Variants in CARD6 observed in about 807,000 individuals in gnomAD.
CARD6 encodes caspase recruitment domain family member 6, also known as caspase recruitment domain-containing protein 6.
Under a neutral mutation model 23.6 loss-of-function variants are expected in CARD6, and 27 were observed. The ratio of observed to expected loss-of-function variants is 1.14; its 90% CI spans 0.84 to 1.58. CARD6 has a LOEUF of 1.58. Ranked by LOEUF, CARD6 falls within the 40% of genes most tolerant of loss-of-function variation. The probability of loss-of-function intolerance (pLI) is 0.00; values close to 1 mark genes in which losing one functional copy is unlikely to be tolerated. For synonymous variants in CARD6, 397 were observed against 431.8 expected, an observed-to-expected ratio of 0.92 and a Z score of 1.00; for missense variants, 1,214 against 1,209.9, an observed-to-expected ratio of 1.00 and a Z score of -0.05.
At chr5:40,849,977 C>CT in intron 2 of CARD6, among the ~76,000 whole-genome samples, 1 of 147,346 alleles carries the variant, frequency 6.8e-6, no homozygotes, top group Non-Finnish European at 1.5e-5. Context: ...AAGACCCTGT[C>CT]TCAAAAAAAA....
Position 40,854,508 on chromosome 5 carries a change from A to T in CARD6, c.*62A>T. 1 of 1,335,910 alleles carries T rather than the reference A, an allele frequency of 7.5e-7. No individual in the cohort carries two copies. The highest frequency in any genetic ancestry group is 1.0e-6 in the Non-Finnish European group (1 of 954,098). The allele number at this position is 1,335,910 out of a possible 1,614,324, so 82.8% of individuals were successfully genotyped here. ...ACCCAGGCCATTCCTATCATATAGT[A>T]AGCAGAAGAGTTGCCATGAAAGTAA... On this transcript the variant is annotated 3_prime_UTR_variant, in exon 3 of 3. Coordinates refer to ENST00000254691, the MANE Select transcript of CARD6 (RefSeq NM_032587.4).
chr5:40,854,477 T>A lies in CARD6; in HGVS notation c.*31T>A, dbSNP rs772309455. 52 of 1,549,716 alleles carry A rather than the reference T, an allele frequency of 3.4e-5. No individual in the cohort carries two copies. Among genetic ancestry groups the A allele is most frequent in the Non-Finnish European group, 4.5e-5 (51 of 1,126,858 alleles). Reference sequence around the variant, plus strand: ...TAACTCCAGAGATCTATAAAGCATATCCTTTACCCAGGCCATTCCTATCAT... The same window carrying A: ...TAACTCCAGAGATCTATAAAGCATAACCTTTACCCAGGCCATTCCTATCAT... On this transcript the variant is annotated 3_prime_UTR_variant, in exon 3 of 3. Coordinates refer to ENST00000254691, the MANE Select transcript of CARD6 (RefSeq NM_032587.4).
At chr5:40,841,729 C>A in intron 1 of CARD6, 64 bp downstream of exon 1, 2 of 1,329,100 alleles carry the variant, frequency 1.5e-6, no homozygotes, top group Non-Finnish European at 2.0e-6. Context: ...AAAAAGAAAA[C>A]AAAATGAAAG....
In CARD6 at chr5:40,852,232, G is replaced by A; in HGVS notation, c.900G>A (p.Lys300=). Residue 300 remains lysine, a synonymous_variant, in exon 3 of 3, where the codon AAG becomes AAA. Transcript: ENST00000254691. Reference sequence around the variant, plus strand: ...GTTTGAACATGGATAGAAGCAGAAAGGTTCTGCCAGATTTTGTTAAACAAT... The same window carrying A: ...GTTTGAACATGGATAGAAGCAGAAAAGTTCTGCCAGATTTTGTTAAACAAT... ...LLCLNMDRSR[K]VLPDFVKQFS... 2 of 1,614,072 alleles carry A rather than the reference G, an allele frequency of 1.2e-6. No homozygotes were observed. The highest frequency in any genetic ancestry group is 1.3e-5 in the African/African-American group (1 of 75,040).
intron 2 of CARD6, among the ~76,000 whole-genome samples, chr5:40,850,721 CAAAAAAA>C (rs34372703): frequency 2.8e-4 from 13 of 46,544 alleles, no homozygotes; most frequent in Admixed American, 2.2e-3. Flanking sequence ...ACTCCGTCTC[CAAAAAAA>C]AAAAAAAAAA....
chr5:40,847,311 G>A (rs1007321250), intron 2 of CARD6, among the ~76,000 whole-genome samples: 8 of 152,156 alleles, frequency 5.3e-5, no homozygotes, highest in African/African-American at 1.9e-4. Context: ...CTATTGCCTT[G>A]TGTGCTCTGC....
rs1746087670 is a variant in CARD6 at position 40,852,567 on chromosome 5, CAGA to C, written c.1237_1239del (p.Glu413del). On this transcript the variant is annotated inframe_deletion, in exon 3 of 3. Transcript: ENST00000254691. ...GCTCTTCCCCTGCTACTGCCAGATGCAGAAAACAACAAAAGCATCTTAATGCTG... is the reference window on the plus strand; with the variant it reads ...GCTCTTCCCCTGCTACTGCCAGATGCAAACAACAAAAGCATCTTAATGCTG... The C allele has an allele frequency of 2.5e-6, 4 of 1,614,066 alleles. No homozygotes were observed. In the African/African-American group the frequency reaches 5.3e-5, roughly 22 times the overall value.
chr5:40,846,517 T>A (rs925286053), intron 2 of CARD6, among the ~76,000 whole-genome samples: 5 of 152,140 alleles, frequency 3.3e-5, no homozygotes, highest in African/African-American at 1.2e-4. Flanking sequence ...AAATTTCTTG[T>A]CTCACAGTTC....
chr5:40,852,955 T>C lies in CARD6; in HGVS notation c.1623T>C (p.Thr541=), dbSNP rs929910256. 17 of 1,614,106 alleles carry C rather than the reference T, an allele frequency of 1.1e-5. No homozygotes were observed. In the African/African-American group the frequency reaches 1.9e-4, roughly 18 times the overall value. The stretch of plus-strand genomic sequence containing the variant: ...GTGGAAATCTAGAAAGCTTTTGGAC[T>C]CAGTTTGGTTTTTTGATGGAAGTTT... ...NLRGNLESFW[T]QFGFLMEVSS... Residue 541 remains threonine, a synonymous_variant, in exon 3 of 3, where the codon ACT becomes ACC. Transcript: ENST00000254691.
At chr5:40,846,013 AT>A (rs1745960146) in intron 2 of CARD6, among the ~76,000 whole-genome samples, 1 of 147,624 alleles carries the variant, frequency 6.8e-6, no homozygotes, top group Non-Finnish European at 1.5e-5. Flanking sequence ...GATGCAGTAT[AT>A]TCTTTTTTTT....
chr5:40,852,250 T>C lies in CARD6; in HGVS notation c.918T>C (p.Val306=). The C allele has an allele frequency of 6.2e-7, 1 of 1,614,168 alleles. No homozygotes were observed. The highest frequency in any genetic ancestry group is 8.5e-7 in the Non-Finnish European group (1 of 1,180,008). The change falls in exon 3 of 3, where the codon GTT becomes GTC. Residue 306 remains valine (V), a synonymous_variant. Transcript: ENST00000254691. ...DRSRKVLPDF[V]KQFSLDRGCK... is the part of the protein sequence containing the mutation. ...GCAGAAAGGTTCTGCCAGATTTTGT[T>C]AAACAATTCTCCTTAGATCGAGGAT...
rs1219184945 is a variant in CARD6 at position 40,853,590 on chromosome 5, T to G, written c.2258T>G (p.Met753Arg). Residue 753 changes from methionine (M) to arginine (R), a missense_variant, in exon 3 of 3, where the codon ATG (methionine) becomes AGG (arginine). Transcript: ENST00000254691. Reference sequence around the variant, plus strand: ...GTTTCCTTGAAAGCCTCCTGGGTTATGGGCCGCCCCTTTGGGTCAGAGCAG... The same window carrying G: ...GTTTCCTTGAAAGCCTCCTGGGTTAGGGGCCGCCCCTTTGGGTCAGAGCAG... ...NHVSLKASWV[M>R]GRPFGSEQRP... is the part of the protein sequence containing the mutation. 1 of 1,614,128 alleles carries G rather than the reference T, an allele frequency of 6.2e-7. No homozygotes were observed. The highest frequency in any genetic ancestry group is 8.5e-7 in the Non-Finnish European group (1 of 1,180,046).
intron 2 of CARD6, among the ~76,000 whole-genome samples, chr5:40,850,790 A>T (rs1746052003): frequency 6.6e-6 from 1 of 151,440 alleles, no homozygotes. Flanking sequence ...ATATAATTTA[A>T]CATTAATAAA....
intron 2 of CARD6, among the ~76,000 whole-genome samples, chr5:40,848,656 G>A (rs1746004928): frequency 2.0e-5 from 3 of 152,118 alleles, no homozygotes; most frequent in Admixed American, 2.0e-4. Flanking sequence ...AGGTCATAGA[G>A]ACTCTAGATT....
At chr5:40,851,682 G>A (rs1421343419) in intron 2 of CARD6, among the ~76,000 whole-genome samples, 1 of 151,940 alleles carries the variant, frequency 6.6e-6, no homozygotes, top group Non-Finnish European at 1.5e-5. Context: ...CGGGCATGGT[G>A]GCATACACCT....
At position 40,852,531 on chromosome 5, in the gene CARD6, A is replaced by AGTGC. The variant is rs552200656; in HGVS notation, c.1200_1203dup (p.Gln402ValfsTer64). 423 of 1,614,232 alleles carry AGTGC rather than the reference A, an allele frequency of 2.6e-4. 3 individuals carry two copies. Among genetic ancestry groups the AGTGC allele is most frequent in the Admixed American group, 1.5e-3 (93 of 60,034 alleles). Reference sequence around the variant, plus strand: ...CGCCAAGTCATGTCAAACATGTATCAGTGCCAGTTTGCTCTTCCCCTGCTA... The same window carrying AGTGC: ...CGCCAAGTCATGTCAAACATGTATCAGTGCGTGCCAGTTTGCTCTTCCCCTGCTA... On this transcript the variant is annotated frameshift_variant, in exon 3 of 3. Transcript: ENST00000254691. LOFTEE classifies it low-confidence loss of function (END_TRUNC).
intron 2 of CARD6, among the ~76,000 whole-genome samples, chr5:40,851,344 G>A (rs12518974): frequency 0.019 from 2,817 of 151,580 alleles, 126 homozygotes; most frequent in Admixed American, 0.096. Flanking sequence ...AAAAAAAATA[G>A]AATCTACTAA....
chr5:40,842,721 G>GT (rs1332172392), intron 1 of CARD6, among the ~76,000 whole-genome samples: 3 of 152,118 alleles, frequency 2.0e-5, no homozygotes, highest in African/African-American at 7.2e-5. Flanking sequence ...TATAGGAGGT[G>GT]TTAGGTATTC....
intron 2 of CARD6, 33 bp downstream of exon 2, chr5:40,843,742 AC>A: frequency 7.3e-7 from 1 of 1,378,868 alleles, no homozygotes; most frequent in South Asian, 1.6e-5. Context: ...TAGTTAGGCA[AC>A]AACTTAATAA....
Sources: gnomAD v4.1 joint callset for allele counts (sites outside exome capture counted in the v4.1 genomes callset) on GRCh38, gnomAD v4.1.1 for gene constraint, MANE v1.5 for transcripts, NCBI Gene and HGNC (gene_info 2026-07-23, HGNC 2026-07-21) for gene names.